Variants in UMAD1 observed in about 807,000 individuals in gnomAD.
UMAD1 encodes the protein UBAP1-MVB12-associated (UMA) domain containing 1, also known as UBAP1-MVB12-associated (UMA)-domain containing protein 1.
UMAD1 carries 8 observed loss-of-function variants against 6.1 expected under a neutral mutation model. The observed-to-expected ratio is 1.30, with a 90% CI of 0.76 to 2.35. The LOEUF (loss-of-function observed/expected upper bound fraction) is 2.35. Among genes scored for constraint, UMAD1 ranks in the 30% most tolerant of loss-of-function variants. UMAD1 has a pLI of 0.00. For missense variants in UMAD1, 130 were observed against 78.4 expected (o/e 1.66, Z -2.49); for synonymous variants, 56 against 31.4 (o/e 1.78, Z -2.61).
rs78131774 is a variant in UMAD1, at chr7:7,798,842, C to A, written c.83-2828C>A. On this transcript the variant is annotated intron_variant, in intron 2 of 3. Coordinates refer to ENST00000682710, the MANE Select transcript of UMAD1 (RefSeq NM_001302348.2). Reference sequence around the variant, plus strand: ...CCTCTGCCCCTTAGGTTTCACTCTCCTGTAAATTGGGGGTGGGCAGAGTTA... The same window carrying A: ...CCTCTGCCCCTTAGGTTTCACTCTCATGTAAATTGGGGGTGGGCAGAGTTA... Among the ~76,000 whole-genome samples, 930 of 152,290 alleles carry A rather than the reference C, an allele frequency of 6.1e-3. 9 individuals carry two copies. Among genetic ancestry groups the A allele is most frequent in the African/African-American group, 0.021 (873 of 41,562 alleles).
chr7:7,835,978 A>G (rs1783561098), intron 3 of UMAD1, among the ~76,000 whole-genome samples: 1 of 152,026 alleles, frequency 6.6e-6, no homozygotes, highest in Non-Finnish European at 1.5e-5. Flanking sequence ...TTATCAAATC[A>G]AACAATTATA....
At chr7:7,704,974 A>G (rs956742601) in intron 2 of UMAD1, among the ~76,000 whole-genome samples, 2 of 152,168 alleles carry the variant, frequency 1.3e-5, no homozygotes, top group Non-Finnish European at 1.5e-5. Flanking sequence ...TAAACTCAGC[A>G]TGCCTTTACA....
chr7:7,863,834 C>T (rs935739886), intron 3 of UMAD1, among the ~76,000 whole-genome samples: 1 of 152,176 alleles, frequency 6.6e-6, no homozygotes, highest in Non-Finnish European at 1.5e-5. Context: ...CCACAACAGA[C>T]TCTCCCTTTG....
chr7:7,642,359 G>C (rs1784994234), intron 1 of UMAD1, among the ~76,000 whole-genome samples: 1 of 150,728 alleles, frequency 6.6e-6, no homozygotes, highest in South Asian at 2.1e-4. Flanking sequence ...TCGCCATGTT[G>C]ACCAGGCTTA....
intron 1 of UMAD1, among the ~76,000 whole-genome samples, chr7:7,664,677 T>C (rs1299192842): frequency 6.6e-6 from 1 of 152,230 alleles, no homozygotes; most frequent in Admixed American, 6.5e-5. Flanking sequence ...AACTCAAGGC[T>C]ACCTAGTCTG....
At chr7:7,815,401 G>T (rs111318685) in intron 3 of UMAD1, among the ~76,000 whole-genome samples, 6 of 152,224 alleles carry the variant, frequency 3.9e-5, no homozygotes, top group African/African-American at 1.4e-4. Flanking sequence ...TCATGCCAGA[G>T]TAGAGTAGAA....
chr7:7,735,313 A>G (rs533489681), intron 2 of UMAD1, among the ~76,000 whole-genome samples: 6 of 152,356 alleles, frequency 3.9e-5, no homozygotes, highest in Admixed American at 3.9e-4. Context: ...GCAGATACAC[A>G]CATACTCTAA....
chr7:7,737,925 T>G (rs1329005423), intron 2 of UMAD1, among the ~76,000 whole-genome samples: 1 of 152,208 alleles, frequency 6.6e-6, no homozygotes, highest in Non-Finnish European at 1.5e-5. Flanking sequence ...ACTAAGTCAA[T>G]AAATATTAGT....
At chr7:7,806,277 C>A (rs1337179082) in intron 3 of UMAD1, among the ~76,000 whole-genome samples, 2 of 151,570 alleles carry the variant, frequency 1.3e-5, no homozygotes, top group East Asian at 3.9e-4. Context: ...TCTAAAATCC[C>A]TTGAAACCTG....
chr7:7,698,995 C>T (rs988829222), intron 2 of UMAD1, among the ~76,000 whole-genome samples: 4 of 150,642 alleles, frequency 2.7e-5, no homozygotes, highest in Non-Finnish European at 5.9e-5. Context: ...TCTGGGACTA[C>T]AGGAGTGCAC....
At chr7:7,847,644 C>T (rs778168288) in intron 3 of UMAD1, among the ~76,000 whole-genome samples, 19 of 152,018 alleles carry the variant, frequency 1.2e-4, no homozygotes, top group African/African-American at 3.6e-4. Flanking sequence ...TAGTGTTTTG[C>T]CCAAGTTCCA....
At chr7:7,794,067 AT>A (rs958583278) in intron 2 of UMAD1, among the ~76,000 whole-genome samples, 1 of 152,142 alleles carries the variant, frequency 6.6e-6, no homozygotes, top group Admixed American at 6.5e-5. Context: ...CCATAGAAAT[AT>A]TTTTTTCCAT....
Position 7,663,434 on chromosome 7 carries a change from T to C in UMAD1, c.-63-9875T>C, listed in dbSNP as rs554169619. ...CAGTTTAAATGTCTTCTCTTGCTTA[T>C]CCTCTCAGGCATCTGTACCTCTTCC... On this transcript the variant is annotated intron_variant, in intron 1 of 3. Transcript: ENST00000682710. 5.3e-5 allele frequency among the ~76,000 whole-genome samples: 8 copies of C among 152,290 alleles called. No homozygotes were observed. In the South Asian group the frequency reaches 1.5e-3, roughly 28 times the overall value.
At chr7:7,732,003 A>G (rs1583782765) in intron 2 of UMAD1, among the ~76,000 whole-genome samples, 1 of 152,116 alleles carries the variant, frequency 6.6e-6, no homozygotes, top group East Asian at 1.9e-4. Flanking sequence ...TGTGAAAAAT[A>G]TCTGAGATAA....
At chr7:7,681,254 T>C (rs1392184010) in intron 2 of UMAD1, among the ~76,000 whole-genome samples, 1 of 152,144 alleles carries the variant, frequency 6.6e-6, no homozygotes, top group Admixed American at 6.6e-5. Context: ...TGAGAATACC[T>C]TTTCCCCTAG....
At chr7:7,741,144 GGTTATAAA>G (rs1781454964) in intron 2 of UMAD1, 1 of 152,096 alleles carries the variant, frequency 6.6e-6, no homozygotes, top group Non-Finnish European at 1.5e-5. Context: ...AACTTCTTCA[GGTTATAAA>G]GCTTCTATTT....
intron 3 of UMAD1, among the ~76,000 whole-genome samples, chr7:7,834,016 C>CTTTTTTTTTTTT (rs4034895): frequency 3.7e-4 from 41 of 110,448 alleles, no homozygotes; most frequent in Non-Finnish European, 4.2e-4. Context: ...TTTTTCTTTT[C>CTTTTTTTTTTTT]TTTTTTTTTT....
intron 3 of UMAD1, among the ~76,000 whole-genome samples, chr7:7,832,409 G>C (rs1017298603): frequency 2.0e-5 from 3 of 151,946 alleles, no homozygotes; most frequent in African/African-American, 7.3e-5. Context: ...ACTCACTAAA[G>C]AGGACTGATC....
intron 2 of UMAD1, among the ~76,000 whole-genome samples, chr7:7,763,261 A>G (rs886633308): frequency 3.3e-5 from 5 of 152,126 alleles, no homozygotes; most frequent in African/African-American, 9.7e-5. Flanking sequence ...TTTTTCTTCA[A>G]TTAAATTTTA....
Sources: allele counts gnomAD v4.1 joint callset (sites outside exome capture counted in the v4.1 genomes callset), GRCh38; gene constraint gnomAD v4.1.1; transcripts MANE v1.5; gene names NCBI Gene and HGNC (gene_info 2026-07-23, HGNC 2026-07-21).